Variants in ESRRB observed in about 807,000 individuals in gnomAD.
ESRRB encodes steroid hormone receptor ERR2.
A neutral mutation model predicts 46.0 loss-of-function variants in ESRRB; 16 were observed. That is an observed-to-expected ratio of 0.35 (90% CI 0.24 to 0.53). The LOEUF is 0.53. Ranked by LOEUF, ESRRB falls within the 20% of genes least tolerant of loss-of-function variation. The pLI is 0.93. For synonymous variants in ESRRB, 246 were observed against 259.6 expected (o/e 0.95, Z 0.50); for missense variants, 488 against 607.4 (o/e 0.80, Z 2.07).
intron 1 of ESRRB, among the ~76,000 whole-genome samples, chr14:76,324,965 T>TTTTCTTTC (rs1329961583): frequency 7.7e-5 from 2 of 26,072 alleles, no homozygotes. Context: ...TTCTTTTTCT[T>TTTTCTTTC]TTTTTTTTTT....
chr14:76,436,445 G>A (rs1887677731), intron 1 of ESRRB, among the ~76,000 whole-genome samples: 1 of 152,188 alleles, frequency 6.6e-6, no homozygotes, highest in Non-Finnish European at 1.5e-5. Flanking sequence ...CCTGGGGAAG[G>A]TTTGGGCTGA....
At chr14:76,414,508 C>A (rs1886606087) in intron 1 of ESRRB, among the ~76,000 whole-genome samples, 1 of 151,266 alleles carries the variant, frequency 6.6e-6, no homozygotes, top group South Asian at 2.1e-4. Context: ...CCAGCTCAGT[C>A]CCCTGTGTTG....
At position 76,500,391 on chromosome 14, in the gene ESRRB, T is replaced by C. The variant is rs1890618122; in HGVS notation, c.*1933T>C. ...CGGCCCTAGCCCTCCATGCAGCCCA[T>C]CTTCCCTCATTTGGGTGGAGGCACA... On this transcript the variant is annotated 3_prime_UTR_variant, in exon 7 of 7. Coordinates refer to ENST00000644823, the MANE Select transcript of ESRRB (RefSeq NM_001379180.1). 2 of 585,976 alleles carry C rather than the reference T, an allele frequency of 3.4e-6. No homozygotes were observed. Among genetic ancestry groups the C allele is most frequent in the Non-Finnish European group, 3.0e-6 (1 of 330,276 alleles). 36.3% of individuals were successfully genotyped at this position (585,976 alleles called of 1,614,324 possible). A position where few individuals can be genotyped will look rare whatever the true frequency, so the allele number is the denominator to read the frequency against.
chr14:76,384,518 G>T (rs150576033), intron 1 of ESRRB, among the ~76,000 whole-genome samples: 1 of 152,306 alleles, frequency 6.6e-6, no homozygotes, highest in African/African-American at 2.4e-5. Context: ...CGAACAGGCA[G>T]GTAGAGGAGA....
At chr14:76,349,308 C>T (rs1427028878) in intron 1 of ESRRB, among the ~76,000 whole-genome samples, 1 of 152,096 alleles carries the variant, frequency 6.6e-6, no homozygotes, top group African/African-American at 2.4e-5. Flanking sequence ...GCGGGGATCA[C>T]GAAAGGAGGC....
At chr14:76,394,335 T>C (rs1885588060) in intron 1 of ESRRB, among the ~76,000 whole-genome samples, 2 of 152,196 alleles carry the variant, frequency 1.3e-5, no homozygotes. Flanking sequence ...ACGACAATAG[T>C]AATATTTGCT....
intron 1 of ESRRB, among the ~76,000 whole-genome samples, chr14:76,379,651 G>A (rs544019916): frequency 6.6e-6 from 1 of 152,240 alleles, no homozygotes; most frequent in African/African-American, 2.4e-5. Context: ...GGAGGTGGGA[G>A]GTGTTCAGGC....
intron 1 of ESRRB, among the ~76,000 whole-genome samples, chr14:76,338,252 T>C (rs1884151170): frequency 6.6e-6 from 1 of 152,200 alleles, no homozygotes; most frequent in Non-Finnish European, 1.5e-5. Flanking sequence ...AGTATGTCAT[T>C]CCATCAAGCC....
intron 3 of ESRRB, chr14:76,463,449 T>C (rs1888968413): frequency 7.4e-6 from 1 of 135,272 alleles, no homozygotes; most frequent in Non-Finnish European, 1.6e-5. Flanking sequence ...TTCTTTGTTT[T>C]TTTTTTTTTT....
chr14:76,415,433 G>C (rs1355287645), intron 1 of ESRRB, among the ~76,000 whole-genome samples: 1 of 152,066 alleles, frequency 6.6e-6, no homozygotes, highest in Non-Finnish European at 1.5e-5. Context: ...AGGCCGAGAC[G>C]GGCAGATCAC....
chr14:76,360,682 G>T (rs1012421017), intron 1 of ESRRB, among the ~76,000 whole-genome samples: 11 of 152,152 alleles, frequency 7.2e-5, no homozygotes, highest in African/African-American at 1.9e-4. Context: ...TGTTATATTT[G>T]TTGGGGCAGA....
intron 1 of ESRRB, among the ~76,000 whole-genome samples, chr14:76,324,259 C>T (rs990815136): frequency 1.3e-5 from 2 of 152,194 alleles, no homozygotes; most frequent in African/African-American, 4.8e-5. Flanking sequence ...ACAGACTGGT[C>T]AGTTCCAACC....
chr14:76,329,433 C>A (rs2139734993), intron 1 of ESRRB, among the ~76,000 whole-genome samples: 1 of 152,284 alleles, frequency 6.6e-6, no homozygotes. Context: ...CTGGAAACAG[C>A]TGTGCACAGC....
At chr14:76,364,229 T>G (rs185929669) in intron 1 of ESRRB, among the ~76,000 whole-genome samples, 1 of 152,156 alleles carries the variant, frequency 6.6e-6, no homozygotes, top group East Asian at 1.9e-4. Flanking sequence ...GAATAAGAAA[T>G]AGAGTTTCTG....
intron 1 of ESRRB, among the ~76,000 whole-genome samples, chr14:76,397,784 G>A (rs1397519854): frequency 6.6e-6 from 1 of 151,828 alleles, no homozygotes; most frequent in Non-Finnish European, 1.5e-5. Context: ...ATAATTTGGG[G>A]CAAAAAGGGG....
intron 1 of ESRRB, among the ~76,000 whole-genome samples, chr14:76,430,463 C>G (rs1436125880): frequency 6.6e-6 from 1 of 152,194 alleles, no homozygotes; most frequent in Non-Finnish European, 1.5e-5. Context: ...ATCCTCAATT[C>G]TAGGTCTGGG....
rs1883724817 is a variant in ESRRB at position 76,310,981 on chromosome 14, TCTC to T, written c.2+66_2+68del. ...TGCGGGTCCTTTTCTGTCCCCTTTC[TCTC>T]TCTCTCTCTCTCTCTCTCTCTCTCT... On this transcript the variant is annotated intron_variant, in intron 1 of 6. Transcript: ENST00000512784. The T allele has an allele frequency of 2.5e-5, 3 of 121,176 alleles. 1 individual carries two copies. In the East Asian group the frequency reaches 6.5e-4, roughly 26 times the overall value. 7.5% of individuals were successfully genotyped at this position (121,176 alleles called of 1,614,324 possible). A position where few individuals can be genotyped will look rare whatever the true frequency, so the allele number is the denominator to read the frequency against.
At chr14:76,450,674 T>G (rs1041049050) in intron 2 of ESRRB, among the ~76,000 whole-genome samples, 1 of 152,150 alleles carries the variant, frequency 6.6e-6, no homozygotes, top group Non-Finnish European at 1.5e-5. Context: ...TGATGGGTTA[T>G]TCCACCTTGG....
Position 76,499,114 on chromosome 14 carries a change from C to T in ESRRB, c.*656C>T, listed in dbSNP as rs1011358732. The stretch of plus-strand genomic sequence containing the variant: ...GCCTACCCCCCTGCCTGTCACCCAC[C>T]GCGCCGGTGTCCACCTGTCCTCCTC... On this transcript the variant is annotated 3_prime_UTR_variant, in exon 7 of 7. Transcript: ENST00000644823. 2.1e-5 allele frequency: 7 copies of T among 331,038 alleles called. No individual in the cohort carries two copies. Among genetic ancestry groups the T allele is most frequent in the Admixed American group, 4.3e-5 (1 of 23,266 alleles). The allele number at this position is 331,038 out of a possible 1,614,324, so 20.5% of individuals were successfully genotyped here. A position where few individuals can be genotyped will look rare whatever the true frequency, so the allele number is the denominator to read the frequency against.
Sources: allele counts gnomAD v4.1 joint callset (sites outside exome capture counted in the v4.1 genomes callset), GRCh38; gene constraint gnomAD v4.1.1; transcripts MANE v1.5; gene names NCBI Gene and HGNC (gene_info 2026-07-23, HGNC 2026-07-21).